ANO3: variants seen among roughly 807,000 people sequenced by gnomAD.
ANO3 encodes the protein anoctamin-3.
A neutral mutation model predicts 144.8 loss-of-function variants in ANO3; 99 were observed. That is an observed-to-expected ratio of 0.68 (90% CI 0.58 to 0.81). The LOEUF (loss-of-function observed/expected upper bound fraction) is 0.81. Ranked by LOEUF, ANO3 falls within the 30% of genes least tolerant of loss-of-function variation. ANO3 has a pLI of 0.00. For missense variants in ANO3, 905 were observed against 1,202.2 expected (o/e 0.75, Z 3.66); for synonymous variants, 414 against 392.6 (o/e 1.05, Z -0.64).
chr11:26,486,089 C>T (rs554982600), intron 4 of ANO3, among the ~76,000 whole-genome samples: 10 of 152,048 alleles, frequency 6.6e-5, no homozygotes, highest in South Asian at 4.2e-4. Context: ...CACAGCCAGG[C>T]GCGATGGCTC....
intron 6 of ANO3, among the ~76,000 whole-genome samples, chr11:26,524,288 T>C (rs1849107288): frequency 6.6e-6 from 1 of 152,212 alleles, no homozygotes; most frequent in African/African-American, 2.4e-5. Context: ...CGGATAGATA[T>C]AACAAGTTTC....
At chr11:26,599,442 A>G (rs1166176925) in intron 16 of ANO3, 108 bp from the exon 17 acceptor site, 1 of 1,109,500 alleles carries the variant, frequency 9.0e-7, no homozygotes, top group Non-Finnish European at 1.3e-6. Context: ...TTTCTTGGAA[A>G]GGTAAATACC....
chr11:26,654,250 C>T (rs1315692872), intron 24 of ANO3, among the ~76,000 whole-genome samples: 1 of 152,100 alleles, frequency 6.6e-6, no homozygotes. Context: ...CATGCTGACT[C>T]CATTTATTTA....
At chr11:26,512,599 A>T (rs1159600162) in intron 5 of ANO3, among the ~76,000 whole-genome samples, 1 of 152,222 alleles carries the variant, frequency 6.6e-6, no homozygotes, top group Non-Finnish European at 1.5e-5. Flanking sequence ...CTGTTGGTTG[A>T]TAAAAATCTC....
intron 7 of ANO3, among the ~76,000 whole-genome samples, chr11:26,526,051 A>G (rs1211032035): frequency 3.3e-5 from 5 of 152,132 alleles, no homozygotes; most frequent in Non-Finnish European, 7.4e-5. Flanking sequence ...TGTATCATTC[A>G]GTCCAGTTCT....
chr11:26,612,897 T>G (rs1852140477), intron 17 of ANO3, among the ~76,000 whole-genome samples: 2 of 152,114 alleles, frequency 1.3e-5, no homozygotes, highest in Admixed American at 6.6e-5. Flanking sequence ...ATATATAACT[T>G]GAAAGTTTTT....
intron 1 of ANO3, among the ~76,000 whole-genome samples, chr11:26,281,869 C>T (rs150105094): frequency 6.6e-6 from 1 of 152,188 alleles, no homozygotes; most frequent in African/African-American, 2.4e-5. Context: ...AGCTCCTCAT[C>T]TCTTTTGGAA....
intron 1 of ANO3, among the ~76,000 whole-genome samples, chr11:26,377,273 G>T (rs1230564347): frequency 6.6e-6 from 1 of 152,088 alleles, no homozygotes; most frequent in South Asian, 2.1e-4. Context: ...GTTGCCAAAA[G>T]ACTTCAGATA....
Position 26,639,350 on chromosome 11 carries a change from G to T in ANO3, c.2141+109G>T. The T allele has an allele frequency of 2.6e-5, 19 of 741,530 alleles. 1 individual carries two copies. The South Asian group carries it at 2.7e-4, about 11-fold the overall frequency. The allele number at this position is 741,530 out of a possible 1,614,324, so 45.9% of individuals were successfully genotyped here. ...GGTCTTGGTAATCAGACAAATGATG[G>T]CTCAATTCCTGTTCTGCTCCTTACT... On this transcript the variant is annotated intron_variant, in intron 21 of 26. Coordinates refer to ENST00000256737, the MANE Select transcript of ANO3 (RefSeq NM_031418.4).
intron 17 of ANO3, among the ~76,000 whole-genome samples, chr11:26,610,529 G>A (rs1326593212): frequency 1.3e-5 from 2 of 151,842 alleles, no homozygotes; most frequent in Non-Finnish European, 2.9e-5. Context: ...TTAATTTGAT[G>A]TGGTCTCATT....
At chr11:26,564,072 A>T (rs1257514047) in intron 14 of ANO3, among the ~76,000 whole-genome samples, 2 of 151,838 alleles carry the variant, frequency 1.3e-5, no homozygotes, top group African/African-American at 4.8e-5. Flanking sequence ...TTTTCATGTT[A>T]GAGTACAGTA....
intron 1 of ANO3, among the ~76,000 whole-genome samples, chr11:26,273,948 T>C (rs895066461): frequency 6.6e-6 from 1 of 152,168 alleles, no homozygotes; most frequent in Admixed American, 6.6e-5. Context: ...GCTGTGATCA[T>C]GTTACTTTCA....
At chr11:26,324,812 T>G (rs1237187963) in intron 1 of ANO3, among the ~76,000 whole-genome samples, 2 of 152,172 alleles carry the variant, frequency 1.3e-5, no homozygotes, top group Non-Finnish European at 2.9e-5. Flanking sequence ...AATACTAATA[T>G]TACCGTTAGG....
chr11:26,325,080 T>G (rs903225942), intron 1 of ANO3, among the ~76,000 whole-genome samples: 3 of 152,148 alleles, frequency 2.0e-5, no homozygotes, highest in Admixed American at 1.3e-4. Flanking sequence ...CAAACCCTTG[T>G]TTTTATTGTG....
intron 4 of ANO3, chr11:26,473,911 T>C (rs1472251878): frequency 6.1e-6 from 6 of 984,416 alleles, no homozygotes; most frequent in Non-Finnish European, 7.2e-6. Context: ...AAAATGATTA[T>C]TCAAACTCTG....
chr11:26,233,110 G>T (rs1340712742), intron 1 of ANO3, among the ~76,000 whole-genome samples: 3 of 151,722 alleles, frequency 2.0e-5, no homozygotes, highest in Non-Finnish European at 2.9e-5. Flanking sequence ...CCAGCTACTC[G>T]GGAGGCTGAG....
chr11:26,192,932 CT>C (rs1851505948), intron 1 of ANO3, among the ~76,000 whole-genome samples: 1 of 151,770 alleles, frequency 6.6e-6, no homozygotes, highest in East Asian at 1.9e-4. Flanking sequence ...TTTTATTATA[CT>C]TTAAGTTCTG....
At chr11:26,223,736 G>A (rs1008218633) in intron 1 of ANO3, among the ~76,000 whole-genome samples, 9 of 151,782 alleles carry the variant, frequency 5.9e-5, no homozygotes, top group South Asian at 2.1e-4. Flanking sequence ...ACCTCAGGTC[G>A]TTTTTACTCA....
chr11:26,391,750 G>A (rs1397354187), intron 1 of ANO3, among the ~76,000 whole-genome samples: 2 of 151,942 alleles, frequency 1.3e-5, no homozygotes, highest in Non-Finnish European at 2.9e-5. Flanking sequence ...ATCTTTGAGA[G>A]ACCCTATCTC....
Sources: allele counts gnomAD v4.1 joint callset (sites outside exome capture counted in the v4.1 genomes callset), GRCh38; gene constraint gnomAD v4.1.1; transcripts MANE v1.5; gene names NCBI Gene and HGNC (gene_info 2026-07-23, HGNC 2026-07-21).